Variants in MAN1C1 observed in about 807,000 individuals in gnomAD.
MAN1C1 encodes the protein mannosyl-oligosaccharide 1,2-alpha-mannosidase IC.
A neutral mutation model predicts 71.5 loss-of-function variants in MAN1C1; 49 were observed. The observed-to-expected ratio is 0.69, with a 90% CI of 0.54 to 0.87. MAN1C1 has a LOEUF of 0.87. Ranked by LOEUF, MAN1C1 falls within the 40% of genes least tolerant of loss-of-function variation. The pLI is 0.00. For synonymous variants in MAN1C1, 352 were observed against 343.7 expected, an observed-to-expected ratio of 1.02 and a Z score of -0.27; for missense variants, 743 against 835.0, an observed-to-expected ratio of 0.89 and a Z score of 1.36.
chr1:25,690,021 G>A (rs560079483), intron 2 of MAN1C1, among the ~76,000 whole-genome samples: 23 of 152,288 alleles, frequency 1.5e-4, no homozygotes, highest in Admixed American at 7.2e-4. Context: ...TCCTGGTGTG[G>A]CACTTCACCA....
chr1:25,755,244 C>A (rs1260013477), intron 5 of MAN1C1, among the ~76,000 whole-genome samples: 1 of 152,206 alleles, frequency 6.6e-6, no homozygotes, highest in African/African-American at 2.4e-5. Context: ...GAGACTGAGG[C>A]AGGGCCAGCC....
At chr1:25,651,913 A>G (rs146949423) in intron 1 of MAN1C1, among the ~76,000 whole-genome samples, 36 of 152,336 alleles carry the variant, frequency 2.4e-4, no homozygotes, top group African/African-American at 7.5e-4. Context: ...CCACGTGACT[A>G]TAATGGGTGC....
chr1:25,716,437 A>G (rs2046682157), intron 2 of MAN1C1, among the ~76,000 whole-genome samples: 1 of 152,202 alleles, frequency 6.6e-6, no homozygotes, highest in African/African-American at 2.4e-5. Context: ...GGCTTAAGCC[A>G]TCCTCCCACC....
intron 1 of MAN1C1, among the ~76,000 whole-genome samples, chr1:25,682,406 C>T (rs2046167360): frequency 6.6e-6 from 1 of 152,224 alleles, no homozygotes; most frequent in South Asian, 2.1e-4. Context: ...CACACCTACA[C>T]AATCTGGCAC....
intron 2 of MAN1C1, among the ~76,000 whole-genome samples, chr1:25,703,846 A>T (rs1315720910): frequency 6.6e-6 from 1 of 152,142 alleles, no homozygotes; most frequent in African/African-American, 2.4e-5. Context: ...TGAGGTGTGG[A>T]TGGATGTCAG....
chr1:25,748,533 G>A (rs1396439997), intron 3 of MAN1C1, among the ~76,000 whole-genome samples: 1 of 152,192 alleles, frequency 6.6e-6, no homozygotes. Context: ...GCCCCCTTCT[G>A]CAGCTGAGGA....
chr1:25,637,904 CT>C (rs869269692), intron 1 of MAN1C1, among the ~76,000 whole-genome samples: 16 of 45,784 alleles, frequency 3.5e-4, no homozygotes, highest in Admixed American at 1.2e-3. Context: ...TTTTTCCATC[CT>C]TTTTTTTTTT....
chr1:25,635,267 AG>A (rs887337423), intron 1 of MAN1C1, among the ~76,000 whole-genome samples: 3 of 151,988 alleles, frequency 2.0e-5, no homozygotes, highest in Non-Finnish European at 4.4e-5. Context: ...AAAGCCAAGA[AG>A]TTTTTTTGGG....
At chr1:25,656,609 CTG>C (rs1037006914) in intron 1 of MAN1C1, among the ~76,000 whole-genome samples, 1 of 152,142 alleles carries the variant, frequency 6.6e-6, no homozygotes, top group Non-Finnish European at 1.5e-5. Flanking sequence ...GGTTAATCTT[CTG>C]TGTGTGTCTT....
chr1:25,686,421 A>G lies in MAN1C1; in HGVS notation c.541-19A>G, dbSNP rs763376924. 34 of 1,610,906 alleles carry G rather than the reference A, an allele frequency of 2.1e-5. No individual in the cohort carries two copies. The highest frequency in any genetic ancestry group is 1.7e-6 in the Non-Finnish European group (2 of 1,177,198). ...GAATCGTCACACTGAGGTTCTCTCT[A>G]TGCTGCTTTTTCTTGCAGATGATGC... On this transcript the variant is annotated intron_variant, in intron 1 of 11. Coordinates refer to ENST00000374332, the MANE Select transcript of MAN1C1 (RefSeq NM_020379.4).
intron 1 of MAN1C1, among the ~76,000 whole-genome samples, chr1:25,682,897 G>A (rs1289898485): frequency 6.6e-6 from 1 of 152,078 alleles, no homozygotes; most frequent in Non-Finnish European, 1.5e-5. Flanking sequence ...AATTAGCTGA[G>A]CGTGGTGGCA....
At chr1:25,715,020 G>A (rs1271782599) in intron 2 of MAN1C1, among the ~76,000 whole-genome samples, 2 of 152,052 alleles carry the variant, frequency 1.3e-5, no homozygotes, top group Non-Finnish European at 2.9e-5. Flanking sequence ...CTTGATCCAC[G>A]TCTCAAATGA....
intron 1 of MAN1C1, among the ~76,000 whole-genome samples, chr1:25,668,956 G>A (rs1409134983): frequency 6.6e-6 from 1 of 152,192 alleles, no homozygotes; most frequent in Non-Finnish European, 1.5e-5. Context: ...AGAAATCTCA[G>A]CTAGGCCTTT....
At chr1:25,716,660 A>G (rs566438242) in intron 2 of MAN1C1, among the ~76,000 whole-genome samples, 2 of 152,300 alleles carry the variant, frequency 1.3e-5, no homozygotes, top group East Asian at 3.9e-4. Context: ...GCCTTCCTTT[A>G]TGGAGCCTCC....
intron 2 of MAN1C1, among the ~76,000 whole-genome samples, chr1:25,703,759 T>C (rs2046478980): frequency 6.6e-6 from 1 of 152,222 alleles, no homozygotes; most frequent in Non-Finnish European, 1.5e-5. Flanking sequence ...GGCCATGTGA[T>C]GCCTGGGGGC....
In MAN1C1 at chr1:25,775,221, G is replaced by A. The variant is rs367961160; in HGVS notation, c.1258-2884G>A. ...TCCCCTGCACCGCAGGCTTAGTGACGCCGAGCAGCTGCCAGGGACATGGCT... is the reference window on the plus strand; with the variant it reads ...TCCCCTGCACCGCAGGCTTAGTGACACCGAGCAGCTGCCAGGGACATGGCT... On this transcript the variant is annotated intron_variant, in intron 8 of 11. Coordinates refer to ENST00000374332, the MANE Select transcript of MAN1C1 (RefSeq NM_020379.4). This position sits in a 1 kb window ranked among gnomAD's most constrained non-coding sequence, Gnocchi z 5.1. 1.3e-5 allele frequency among the ~76,000 whole-genome samples: 2 copies of A among 152,210 alleles called. No homozygotes were observed. The highest frequency in any genetic ancestry group is 2.1e-4 in the South Asian group (1 of 4,830).
At chr1:25,712,212 G>A (rs943247779) in intron 2 of MAN1C1, among the ~76,000 whole-genome samples, 4 of 152,236 alleles carry the variant, frequency 2.6e-5, no homozygotes, top group East Asian at 1.9e-4. Context: ...CTCGGCCGGC[G>A]TCTTGGCAGG....
chr1:25,679,599 A>G (rs534323268), intron 1 of MAN1C1, among the ~76,000 whole-genome samples: 23 of 150,900 alleles, frequency 1.5e-4, no homozygotes, highest in African/African-American at 5.1e-4. Context: ...CGGAAAAGTT[A>G]CAAAAATCTA....
chr1:25,676,386 C>T (rs1424982920), intron 1 of MAN1C1, among the ~76,000 whole-genome samples: 1 of 152,116 alleles, frequency 6.6e-6, no homozygotes, highest in African/African-American at 2.4e-5. Context: ...AGCTTCTGAG[C>T]GATAGACCTG....
Sources: allele counts gnomAD v4.1 joint callset (sites outside exome capture counted in the v4.1 genomes callset), GRCh38; gene constraint gnomAD v4.1.1; non-coding constraint Gnocchi (gnomAD v3.1); transcripts MANE v1.5; gene names NCBI Gene and HGNC (gene_info 2026-07-23, HGNC 2026-07-21).